The following FRMPD4 variants were observed in gnomAD, a reference collection of about 807,000 sequenced individuals.
The protein encoded by FRMPD4 is FERM and PDZ domain containing 4, also known as FERM and PDZ domain-containing protein 4.
Under a neutral mutation model 94.1 loss-of-function variants are expected in FRMPD4, and 22 were observed. That is an observed-to-expected ratio of 0.23 (90% CI 0.17 to 0.33). The LOEUF is 0.33. Among genes scored for constraint, FRMPD4 ranks in the 10% least tolerant of loss-of-function variants. The probability of loss-of-function intolerance (pLI) is 1.00; values close to 1 mark genes in which losing one functional copy is unlikely to be tolerated. For synonymous variants in FRMPD4, 631 were observed against 548.6 expected (o/e 1.15, Z -2.10); for missense variants, 1,111 against 1,339.9 (o/e 0.83, Z 2.67).
At chrX:12,408,528 G>GT (rs1364630277) in intron 1 of FRMPD4, among the ~76,000 whole-genome samples, 1 of 110,843 alleles carries the variant, frequency 9.0e-6, no homozygotes, top group African/African-American at 3.3e-5. Flanking sequence ...CTAGGCATTT[G>GT]TTTTTGTTTG....
intron 2 of FRMPD4, among the ~76,000 whole-genome samples, chrX:12,515,326 G>A (rs1276680055): frequency 1.8e-5 from 2 of 109,051 alleles, no homozygotes; most frequent in Non-Finnish European, 3.9e-5. Flanking sequence ...CTAGCTTTTC[G>A]ATGTGCTAGA....
intron 1 of FRMPD4, among the ~76,000 whole-genome samples, chrX:12,262,375 G>T (rs1008716822): frequency 1.8e-5 from 2 of 111,905 alleles, no homozygotes; most frequent in Non-Finnish European, 3.8e-5. Context: ...CTCCCAATGT[G>T]CTGGGATTAT....
chrX:11,893,120 CT>C (rs2053884144), intron 3 of FRMPD4, among the ~76,000 whole-genome samples: 1 of 111,734 alleles, frequency 8.9e-6, no homozygotes, highest in Admixed American at 9.5e-5. Context: ...GTTCACTAAA[CT>C]GCAGTCTTTA....
chrX:12,050,990 T>C (rs1458644429), intron 3 of FRMPD4, among the ~76,000 whole-genome samples: 1 of 111,633 alleles, frequency 9.0e-6, no homozygotes, highest in Non-Finnish European at 1.9e-5. Flanking sequence ...GCAGGGAGGA[T>C]GAATGAGCCA....
Position 12,550,838 on chromosome X carries a change from T to C in FRMPD4, c.158+52042T>C, listed in dbSNP as rs867620865. Among the ~76,000 whole-genome samples the C allele has an allele frequency of 5.5e-5, 6 of 108,250 alleles. No individual in the cohort carries two copies. In the Admixed American group the frequency reaches 6.0e-4, roughly 11 times the overall value. The allele number at this position is 108,250 out of a possible 115,157, so 94.0% of individuals were successfully genotyped here. A position where few individuals can be genotyped will look rare whatever the true frequency, so the allele number is the denominator to read the frequency against. The stretch of plus-strand genomic sequence containing the variant: ...TACTTACTTTCTCTTTTAGAGTGTA[T>C]ATAAGAATATAGCAAATATATTCAT... On this transcript the variant is annotated intron_variant, in intron 2 of 16. Transcript: ENST00000675598.
At chrX:11,832,712 G>A (rs969468094) in intron 1 of FRMPD4, among the ~76,000 whole-genome samples, 1 of 111,623 alleles carries the variant, frequency 9.0e-6, no homozygotes, top group African/African-American at 3.3e-5. Flanking sequence ...TAGGTTCACA[G>A]CAAAGTTGGG....
chrX:11,848,587 G>A (rs1174467627), intron 1 of FRMPD4, among the ~76,000 whole-genome samples: 1 of 109,236 alleles, frequency 9.2e-6, no homozygotes, highest in Non-Finnish European at 1.9e-5. Flanking sequence ...GGATATGTGG[G>A]TGGTTTGGGC....
chrX:11,987,097 T>TGAAAA (rs1569137639), intron 3 of FRMPD4, among the ~76,000 whole-genome samples: 1 of 14,642 alleles, frequency 6.8e-5, no homozygotes, highest in Non-Finnish European at 1.1e-4. Flanking sequence ...CAAAGACACA[T>TGAAAA]TAAAAAAAAA....
intron 1 of FRMPD4, among the ~76,000 whole-genome samples, chrX:12,199,975 C>T (rs1469689893): frequency 1.8e-5 from 2 of 110,752 alleles, no homozygotes; most frequent in African/African-American, 6.6e-5. Context: ...GCAAGTTTAT[C>T]GATCTGGGTG....
intron 1 of FRMPD4, among the ~76,000 whole-genome samples, chrX:12,417,033 G>A (rs757934805): frequency 8.1e-5 from 9 of 111,025 alleles, no homozygotes; most frequent in Non-Finnish European, 1.5e-4. Flanking sequence ...TTAAAGGCTC[G>A]GCTCAGACCT....
chrX:12,702,435 C>A (rs955466247), intron 10 of FRMPD4, among the ~76,000 whole-genome samples: 1 of 111,842 alleles, frequency 8.9e-6, no homozygotes, highest in East Asian at 2.8e-4. Context: ...AGGATTCAAA[C>A]CCAGGCAGTG....
At chrX:12,373,278 A>G (rs1344849987) in intron 1 of FRMPD4, 9 of 112,407 alleles carry the variant, frequency 8.0e-5, no homozygotes, top group Non-Finnish European at 1.5e-4. Flanking sequence ...AGAGAATATT[A>G]CATTTCGCAT....
chrX:11,914,878 C>T (rs2054016320), intron 3 of FRMPD4, among the ~76,000 whole-genome samples: 1 of 112,230 alleles, frequency 8.9e-6, no homozygotes, highest in Non-Finnish European at 1.9e-5. Flanking sequence ...ACAACATATG[C>T]TGCCTTTGTC....
chrX:12,239,604 G>A (rs1353209975), intron 1 of FRMPD4, among the ~76,000 whole-genome samples: 1 of 112,336 alleles, frequency 8.9e-6, no homozygotes, highest in Non-Finnish European at 1.9e-5. Context: ...TTTCAGTCTA[G>A]GAAGCAGCTA....
chrX:12,369,769 G>A (rs752062025), intron 1 of FRMPD4, among the ~76,000 whole-genome samples: 1 of 112,121 alleles, frequency 8.9e-6, no homozygotes, highest in African/African-American at 3.2e-5. Flanking sequence ...AGGAACATAT[G>A]ATGTGAGTGT....
chrX:12,625,864 A>G (rs1200190979), intron 4 of FRMPD4, among the ~76,000 whole-genome samples: 1 of 112,061 alleles, frequency 8.9e-6, no homozygotes, highest in Non-Finnish European at 1.9e-5. Flanking sequence ...TTTGATCATT[A>G]CACATTATAC....
At chrX:12,650,910 G>T (rs137946917) in intron 4 of FRMPD4, among the ~76,000 whole-genome samples, 1 of 112,737 alleles carries the variant, frequency 8.9e-6, no homozygotes, top group African/African-American at 3.2e-5. Context: ...ATTCAGCCTG[G>T]CCTTCTGAAA....
intron 1 of FRMPD4, among the ~76,000 whole-genome samples, chrX:12,285,038 A>G (rs1159024417): frequency 1.8e-5 from 2 of 111,673 alleles, no homozygotes; most frequent in African/African-American, 6.5e-5. Flanking sequence ...TTCAAGTTTG[A>G]CCTTTCATGA....
intron 1 of FRMPD4, among the ~76,000 whole-genome samples, chrX:12,336,245 A>G (rs983520028): frequency 9.0e-6 from 1 of 111,553 alleles, no homozygotes; most frequent in Non-Finnish European, 1.9e-5. Flanking sequence ...CAGAATATAT[A>G]TCTCTGTCCA....
Sources: allele counts gnomAD v4.1 joint callset (sites outside exome capture counted in the v4.1 genomes callset), GRCh38; gene constraint gnomAD v4.1.1; transcripts MANE v1.5; gene names NCBI Gene and HGNC (gene_info 2026-07-23, HGNC 2026-07-21).